ORC4: variants seen among roughly 807,000 people sequenced by gnomAD.
ORC4 encodes the protein origin recognition complex subunit 4, also known as origin recognition complex, subunit 4 homolog.
Under a neutral mutation model 63.9 loss-of-function variants are expected in ORC4, and 55 were observed. That is an observed-to-expected ratio of 0.86 (90% CI 0.69 to 1.08). The LOEUF (loss-of-function observed/expected upper bound fraction) is 1.08. Among genes scored for constraint, ORC4 ranks in the 50% least tolerant of loss-of-function variants. ORC4 has a pLI of 0.00. For missense variants in ORC4, 511 were observed against 504.4 expected (o/e 1.01, Z -0.13); for synonymous variants, 150 against 168.5 (o/e 0.89, Z 0.85).
intron 1 of ORC4, among the ~76,000 whole-genome samples, chr2:148,011,087 C>A (rs1427485603): frequency 6.6e-6 from 1 of 152,042 alleles, no homozygotes; most frequent in Non-Finnish European, 1.5e-5. Context: ...CCTCAGCCTC[C>A]CAAAGTTCTG....
chr2:147,985,600 C>T (rs1691154621), intron 1 of ORC4, among the ~76,000 whole-genome samples: 2 of 152,158 alleles, frequency 1.3e-5, no homozygotes, highest in Non-Finnish European at 2.9e-5. Flanking sequence ...AAATGTTTTC[C>T]TACCTTAGAA....
intron 1 of ORC4, among the ~76,000 whole-genome samples, chr2:147,984,977 G>C (rs1010085413): frequency 2.6e-5 from 4 of 152,022 alleles, no homozygotes; most frequent in African/African-American, 9.7e-5. Flanking sequence ...GCTTTCCAAG[G>C]GTTGCTTGTT....
intron 1 of ORC4, 101 bp from the exon 2 acceptor site, chr2:147,976,076 T>TA: frequency 2.8e-6 from 2 of 715,842 alleles, no homozygotes; most frequent in East Asian, 2.7e-5. Flanking sequence ...TTTTTAAAAG[T>TA]AAAAAATGCT....
chr2:147,970,905 C>T (rs576733563), intron 4 of ORC4, among the ~76,000 whole-genome samples: 79 of 151,970 alleles, frequency 5.2e-4, no homozygotes, highest in Non-Finnish European at 7.4e-4. Context: ...AAAGCTAAGG[C>T]AGGATTGCTT....
Position 147,933,778 on chromosome 2 carries a change from AT to A in ORC4, c.*1731del, listed in dbSNP as rs1181764314. The stretch of plus-strand genomic sequence containing the variant: ...TAATAGTGATGTTACCATGTCAAGT[AT>A]TTTGGTGAAATATCCCCTAAAAATG... On this transcript the variant is annotated 3_prime_UTR_variant, in exon 14 of 14. Coordinates refer to ENST00000392857, the MANE Select transcript of ORC4 (RefSeq NM_181741.4). 3.3e-5 allele frequency: 5 copies of A among 152,146 alleles called. No homozygotes were observed. Among genetic ancestry groups the A allele is most frequent in the African/African-American group, 1.2e-4 (5 of 41,434 alleles). 9.4% of individuals were successfully genotyped at this position (152,146 alleles called of 1,614,324 possible). A position where few individuals can be genotyped will look rare whatever the true frequency, so the allele number is the denominator to read the frequency against.
At chr2:148,006,000 TAACA>T (rs534372568) in intron 1 of ORC4, among the ~76,000 whole-genome samples, 1 of 151,680 alleles carries the variant, frequency 6.6e-6, no homozygotes, top group African/African-American at 2.4e-5. Flanking sequence ...ATAAACACAC[TAACA>T]AACAAACAAA....
intron 4 of ORC4, among the ~76,000 whole-genome samples, chr2:147,971,662 A>T (rs1166138880): frequency 6.6e-6 from 1 of 152,020 alleles, no homozygotes; most frequent in Non-Finnish European, 1.5e-5. Flanking sequence ...TGTGAAAACT[A>T]CCCAAAATAA....
chr2:148,011,469 T>C (rs1345813152), intron 1 of ORC4, among the ~76,000 whole-genome samples: 4 of 152,092 alleles, frequency 2.6e-5, no homozygotes, highest in African/African-American at 9.7e-5. Context: ...AGAAGGATCA[T>C]CCCTCAACAT....
chr2:147,973,592 G>A, intron 2 of ORC4, 68 bp from the exon 3 acceptor site: 3 of 910,762 alleles, frequency 3.3e-6, no homozygotes, highest in South Asian at 3.0e-5. Flanking sequence ...AAATAAGAAA[G>A]CACATTTACA....
At chr2:147,941,176 G>A (rs937274463) in intron 10 of ORC4, among the ~76,000 whole-genome samples, 1 of 151,786 alleles carries the variant, frequency 6.6e-6, no homozygotes, top group African/African-American at 2.4e-5. Context: ...ATCAATTCTG[G>A]TTTATTCATT....
At chr2:147,997,433 AAAGT>A (rs1490470275) in intron 1 of ORC4, among the ~76,000 whole-genome samples, 2 of 152,314 alleles carry the variant, frequency 1.3e-5, no homozygotes, top group East Asian at 3.9e-4. Flanking sequence ...TTTATATACC[AAAGT>A]AAGAAAATTT....
At chr2:147,955,636 G>A (rs1689204852) in intron 6 of ORC4, among the ~76,000 whole-genome samples, 1 of 151,886 alleles carries the variant, frequency 6.6e-6, no homozygotes, top group African/African-American at 2.4e-5. Context: ...TTTAGAACTT[G>A]AGGATAAAAC....
chr2:148,019,981 A>C (rs1399087989), intron 1 of ORC4, among the ~76,000 whole-genome samples: 1 of 152,234 alleles, frequency 6.6e-6, no homozygotes, highest in Non-Finnish European at 1.5e-5. Context: ...CTACACTATA[A>C]GGGGAAACTT....
intron 1 of ORC4, among the ~76,000 whole-genome samples, chr2:147,997,719 G>A (rs942011309): frequency 1.3e-5 from 2 of 152,186 alleles, no homozygotes; most frequent in South Asian, 4.1e-4. Flanking sequence ...ATTTCTGGGT[G>A]CAAAGGTTAT....
At chr2:147,960,537 T>C (rs1298663629) in intron 4 of ORC4, 3 of 172,948 alleles carry the variant, frequency 1.7e-5, no homozygotes, top group South Asian at 1.9e-4. Flanking sequence ...ACATTCTTTG[T>C]GCCTAAAATT....
chr2:147,968,520 G>A (rs986320488), intron 4 of ORC4, among the ~76,000 whole-genome samples: 1 of 151,918 alleles, frequency 6.6e-6, no homozygotes, highest in African/African-American at 2.4e-5. Flanking sequence ...TATAGCCAAC[G>A]AATACATGAA....
At chr2:147,975,808 T>C (rs1228894645) in intron 2 of ORC4, 94 bp downstream of exon 2, 4 of 812,380 alleles carry the variant, frequency 4.9e-6, no homozygotes, top group Admixed American at 1.7e-5. Flanking sequence ...TCTTCCTAAA[T>C]GCTAAAGGGA....
At chr2:148,019,210 AT>A (rs1422943197) in intron 1 of ORC4, among the ~76,000 whole-genome samples, 2 of 152,356 alleles carry the variant, frequency 1.3e-5, no homozygotes, top group South Asian at 4.1e-4. Flanking sequence ...GGGCTAAGCA[AT>A]GATGCATAAA....
intron 4 of ORC4, among the ~76,000 whole-genome samples, chr2:147,963,986 G>T (rs1196329327): frequency 6.6e-6 from 1 of 152,072 alleles, no homozygotes; most frequent in Non-Finnish European, 1.5e-5. Flanking sequence ...AATTCTGTAA[G>T]ATTGGAAAAG....
Sources: gnomAD v4.1 joint callset for allele counts (sites outside exome capture counted in the v4.1 genomes callset) on GRCh38, gnomAD v4.1.1 for gene constraint, MANE v1.5 for transcripts, NCBI Gene and HGNC (gene_info 2026-07-23, HGNC 2026-07-21) for gene names.